Variants in ADORA2B observed in about 807,000 individuals in gnomAD.
ADORA2B encodes adenosine receptor A2b.
In ADORA2B, 18 loss-of-function variants were observed where a neutral mutation model predicts 20.8. The observed-to-expected ratio is 0.87, with a 90% CI of 0.60 to 1.29. ADORA2B has a LOEUF of 1.29. Ranked by LOEUF, ADORA2B falls within the 50% of genes most tolerant of loss-of-function variation. ADORA2B has a pLI of 0.00. For synonymous variants in ADORA2B, 179 were observed against 178.3 expected, an observed-to-expected ratio of 1.00 and a Z score of -0.03; for missense variants, 441 against 422.7, an observed-to-expected ratio of 1.04 and a Z score of -0.38.
At chr17:15,907,333 A>T in the ADORA2B span, among the ~76,000 whole-genome samples, 16 of 152,268 alleles carry the variant, frequency 1.1e-4, no homozygotes, top group African/African-American at 3.9e-4. Flanking sequence ...AGCAGAATAG[A>T]TGAAGTCTGT....
At chr17:15,876,379 TC>T in the ADORA2B span, among the ~76,000 whole-genome samples, 2 of 151,762 alleles carry the variant, frequency 1.3e-5, no homozygotes, top group African/African-American at 4.8e-5. Context: ...ATTCTAAACT[TC>T]CAGTGTGGTT....
At chr17:15,914,713 T>C in the ADORA2B span, among the ~76,000 whole-genome samples, 1 of 152,338 alleles carries the variant, frequency 6.6e-6, no homozygotes, top group Admixed American at 6.5e-5. Context: ...GTATGGACCT[T>C]AACTGCAAGC....
chr17:15,893,633 C>T, the ADORA2B span, among the ~76,000 whole-genome samples: 3 of 152,124 alleles, frequency 2.0e-5, no homozygotes, highest in Non-Finnish European at 4.4e-5. Flanking sequence ...AAGCCTATTC[C>T]AAAGAACCAG....
the ADORA2B span, among the ~76,000 whole-genome samples, chr17:15,920,722 A>G: frequency 6.6e-6 from 1 of 150,644 alleles, no homozygotes; most frequent in Admixed American, 6.6e-5. Flanking sequence ...TCCGTCTCAA[A>G]AAAAAAAAAA....
the ADORA2B span, among the ~76,000 whole-genome samples, chr17:15,923,107 C>T: frequency 6.6e-6 from 1 of 151,216 alleles, no homozygotes; most frequent in Non-Finnish European, 1.5e-5. Flanking sequence ...ACTGCAACCT[C>T]TGCCTCCCAG....
chr17:15,863,519 TA>T, the ADORA2B span, among the ~76,000 whole-genome samples: 2 of 152,032 alleles, frequency 1.3e-5, no homozygotes, highest in African/African-American at 4.8e-5. Flanking sequence ...CTTATTTATT[TA>T]TTTATTTATT....
the ADORA2B span, among the ~76,000 whole-genome samples, chr17:15,932,013 G>A: frequency 0.029 from 4,427 of 152,148 alleles, 210 homozygotes; most frequent in African/African-American, 0.1. Flanking sequence ...TTACAGGTGT[G>A]AACCACCATA....
chr17:15,853,227 A>T, the ADORA2B span, among the ~76,000 whole-genome samples: 2 of 151,858 alleles, frequency 1.3e-5, no homozygotes, highest in Admixed American at 6.6e-5. Flanking sequence ...CAAAATGCAG[A>T]AGGAATGCCT....
chr17:15,867,821 C>G, the ADORA2B span, among the ~76,000 whole-genome samples: 1 of 148,262 alleles, frequency 6.7e-6, no homozygotes, highest in Non-Finnish European at 1.5e-5. Flanking sequence ...GCCGCCCCTA[C>G]TGGGAAGTGA....
the ADORA2B span, among the ~76,000 whole-genome samples, chr17:15,868,939 A>G: frequency 6.6e-6 from 1 of 151,384 alleles, no homozygotes; most frequent in Non-Finnish European, 1.5e-5. Flanking sequence ...GAGGGAGTAC[A>G]TCGGGTGGAG....
chr17:15,974,986 C>G lies in ADORA2B; in HGVS notation c.643C>G (p.Arg215Gly), dbSNP rs746274860. The G allele has an allele frequency of 1.2e-6, 2 of 1,614,174 alleles. No individual in the cohort carries two copies. Among genetic ancestry groups the G allele is most frequent in the Middle Eastern group, 1.6e-4 (1 of 6,062 alleles). ...IFLVACRQLQ[R>G]TELMDHSRTT... The stretch of plus-strand genomic sequence containing the variant: ...CCTGGTGGCCTGCAGGCAGCTTCAG[C>G]GCACTGAGCTGATGGACCACTCGAG... Residue 215 changes from arginine (R) to glycine (G), a missense_variant, in exon 2 of 2, where the codon CGC (arginine) becomes GGC (glycine). By Grantham distance (125) the Arg-to-Gly change is moderately radical (BLOSUM62 -2). Transcript: ENST00000304222.
the ADORA2B span, among the ~76,000 whole-genome samples, chr17:15,854,393 T>C: frequency 6.6e-6 from 1 of 152,238 alleles, no homozygotes; most frequent in South Asian, 2.1e-4. Flanking sequence ...TAGTAGATGA[T>C]AGGAAAATAT....
chr17:15,887,355 A>G, the ADORA2B span, among the ~76,000 whole-genome samples: 3 of 131,394 alleles, frequency 2.3e-5, 1 homozygote, highest in Non-Finnish European at 4.8e-5. Context: ...TTCCAAATTA[A>G]TCTCCAGTTG....
the ADORA2B span, among the ~76,000 whole-genome samples, chr17:15,893,518 C>G: frequency 7.3e-6 from 1 of 137,102 alleles, no homozygotes; most frequent in Non-Finnish European, 1.6e-5. Flanking sequence ...TCCTCCCTTT[C>G]TTCCTCCCTG....
chr17:15,860,265 C>T, the ADORA2B span, among the ~76,000 whole-genome samples: 19 of 152,312 alleles, frequency 1.2e-4, no homozygotes, highest in South Asian at 3.9e-3. Context: ...GAATAAACCC[C>T]TTCCTTCTTT....
At chr17:15,946,005 G>T (rs2151591092) in intron 1 of ADORA2B, among the ~76,000 whole-genome samples, 1 of 152,322 alleles carries the variant, frequency 6.6e-6, no homozygotes, top group East Asian at 1.9e-4. Context: ...CAGCGGCGGT[G>T]CAGCGGCAGT....
the ADORA2B span, among the ~76,000 whole-genome samples, chr17:15,868,320 G>A: frequency 5.9e-5 from 8 of 134,962 alleles, no homozygotes; most frequent in East Asian, 4.2e-4. Context: ...CTATTGTCCT[G>A]TGACCCTGCC....
At chr17:15,952,851 C>T (rs769156925) in intron 1 of ADORA2B, among the ~76,000 whole-genome samples, 1 of 152,228 alleles carries the variant, frequency 6.6e-6, no homozygotes, top group African/African-American at 2.4e-5. Flanking sequence ...TAGGCTTTAG[C>T]CATGGTTATT....
Position 15,969,638 on chromosome 17 carries a change from C to T in ADORA2B, c.336-5041C>T, listed in dbSNP as rs184504133. Among the ~76,000 whole-genome samples the T allele has an allele frequency of 2.6e-5, 4 of 152,344 alleles. No individual in the cohort carries two copies. The East Asian group carries it at 7.7e-4, about 29-fold the overall frequency. ...CCCTAAGGAATCATCCTCCAGTCTTCATCTTCCTGCACCTGTTGATCTGCA... is the reference window on the plus strand; with the variant it reads ...CCCTAAGGAATCATCCTCCAGTCTTTATCTTCCTGCACCTGTTGATCTGCA... On this transcript the variant is annotated intron_variant, in intron 1 of 1. Transcript: ENST00000304222.
Sources: allele counts gnomAD v4.1 joint callset (sites outside exome capture counted in the v4.1 genomes callset), GRCh38; gene constraint gnomAD v4.1.1; transcripts MANE v1.5; gene names NCBI Gene and HGNC (gene_info 2026-07-23, HGNC 2026-07-21).